The following NSF variants were observed in gnomAD, a reference collection of about 807,000 sequenced individuals.
NSF encodes vesicle-fusing ATPase.
Under a neutral mutation model 50.3 loss-of-function variants are expected in NSF, and 14 were observed. That is an observed-to-expected ratio of 0.28 (90% CI 0.18 to 0.44). The LOEUF (loss-of-function observed/expected upper bound fraction) is 0.44, where lower values mean the gene tolerates loss of function less well. Among genes scored for constraint, NSF ranks in the 20% least tolerant of loss-of-function variants. The pLI, the probability that NSF is intolerant of heterozygous loss-of-function variation, is 1.00. For synonymous variants in NSF, 109 were observed against 175.7 expected, an observed-to-expected ratio of 0.62 and a Z score of 3.00; for missense variants, 218 against 504.3, an observed-to-expected ratio of 0.43 and a Z score of 5.44.
chr17:46,735,311 A>G (rs1052097915), intron 17 of NSF, among the ~76,000 whole-genome samples: 2 of 152,168 alleles, frequency 1.3e-5, no homozygotes, highest in African/African-American at 4.8e-5. Context: ...GCTAGAATGT[A>G]TTCTTCCAGA....
chr17:46,736,095 C>T (rs968022068), intron 17 of NSF, among the ~76,000 whole-genome samples: 1 of 152,154 alleles, frequency 6.6e-6, no homozygotes, highest in East Asian at 1.9e-4. Flanking sequence ...ACCCAACTTC[C>T]CTCATTTGCA....
chr17:46,719,255 G>T lies in NSF; in HGVS notation c.1761+5269G>T, dbSNP rs1006907326. Among the ~76,000 whole-genome samples, 1 of 152,188 alleles carries T rather than the reference G, an allele frequency of 6.6e-6. No homozygotes were observed. The highest frequency in any genetic ancestry group is 2.4e-5 in the African/African-American group (1 of 41,446). On this transcript the variant is annotated intron_variant, in intron 15 of 20. Coordinates refer to ENST00000398238, the MANE Select transcript of NSF (RefSeq NM_006178.4). This position sits in a 1 kb window ranked among gnomAD's most constrained non-coding sequence, Gnocchi z 4.3. ...ATGTAACACATTAATTTTTGTTAAA[G>T]ATGTGTGGTCTGAATTAGTTAATTC...
In NSF at chr17:46,610,029, C is replaced by CTTTCTT. The variant is rs528412035; in HGVS notation, c.13-14214_13-14213insTTCTTT. ...TCTCTCTTTCTTTCTTTCTTTCTTTCTCTCTCTCTCTCTCTTTCTTTCTTT... is the reference window on the plus strand; with the variant it reads ...TCTCTCTTTCTTTCTTTCTTTCTTTCTTTCTTTCTCTCTCTCTCTCTTTCTTTCTTT... On this transcript the variant is annotated intron_variant, in intron 1 of 20. Coordinates refer to ENST00000398238, the MANE Select transcript of NSF (RefSeq NM_006178.4). 9.7e-4 allele frequency among the ~76,000 whole-genome samples: 86 copies of CTTTCTT among 88,958 alleles called. 2 individuals carry two copies. The highest frequency in any genetic ancestry group is 6.4e-3 in the Admixed American group (55 of 8,638). 58.4% of individuals were successfully genotyped at this position (88,958 alleles called of 152,430 possible).
intron 15 of NSF, among the ~76,000 whole-genome samples, chr17:46,716,561 C>T (rs1206454025): frequency 6.6e-6 from 1 of 151,994 alleles, no homozygotes; most frequent in Non-Finnish European, 1.5e-5. Context: ...CCGGCCTGCA[C>T]CTCCATTTTT....
intron 1 of NSF, among the ~76,000 whole-genome samples, chr17:46,602,764 T>C (rs1173113811): frequency 2.0e-5 from 3 of 147,590 alleles, no homozygotes; most frequent in African/African-American, 7.7e-5. Flanking sequence ...TGACTATTTT[T>C]CTCCTAGAGA....
At chr17:46,732,047 T>C (rs57236432) in intron 17 of NSF, among the ~76,000 whole-genome samples, 219 of 152,308 alleles carry the variant, frequency 1.4e-3, no homozygotes, top group African/African-American at 4.9e-3. Flanking sequence ...TTTCAGATGT[T>C]TTTAATTAAA....
At chr17:46,610,106 TC>T in intron 1 of NSF, among the ~76,000 whole-genome samples, 2 of 118,758 alleles carry the variant, frequency 1.7e-5, no homozygotes, top group East Asian at 4.0e-4. Flanking sequence ...TCTTTCTCTC[TC>T]TCTCTCTCTC....
In NSF at chr17:46,721,526, A is replaced by G. The variant is rs901433196; in HGVS notation, c.1762-5023A>G. The G allele has an allele frequency of 3.4e-5, 37 of 1,081,886 alleles. No individual in the cohort carries two copies. The South Asian group carries it at 3.9e-4, about 11-fold the overall frequency. The allele number at this position is 1,081,886 out of a possible 1,614,324, so 67.0% of individuals were successfully genotyped here. A position where few individuals can be genotyped will look rare whatever the true frequency, so the allele number is the denominator to read the frequency against. Reference sequence around the variant, plus strand: ...ACTTCATAATAGAACTGGGCTGACTATACATTCTTTTTCTGTGTGTGTGTG... The same window carrying G: ...ACTTCATAATAGAACTGGGCTGACTGTACATTCTTTTTCTGTGTGTGTGTG... On this transcript the variant is annotated intron_variant, in intron 15 of 20. Transcript: ENST00000398238.
chr17:46,676,611 G>A (rs2146206632), intron 9 of NSF, among the ~76,000 whole-genome samples: 1 of 135,824 alleles, frequency 7.4e-6, no homozygotes, highest in East Asian at 2.3e-4. Flanking sequence ...TATGTGGCTT[G>A]AAACCCGAAG....
At chr17:46,709,588 G>A (rs1037781878) in intron 13 of NSF, among the ~76,000 whole-genome samples, 4 of 151,592 alleles carry the variant, frequency 2.6e-5, no homozygotes, top group Non-Finnish European at 4.4e-5. Context: ...TCCGCCTCCC[G>A]GGTTCAAGCA....
At chr17:46,752,223 T>G (rs937815842) in intron 19 of NSF, among the ~76,000 whole-genome samples, 11 of 152,236 alleles carry the variant, frequency 7.2e-5, no homozygotes, top group African/African-American at 2.7e-4. Flanking sequence ...CAAAGACAGA[T>G]GAAACTTCTT....
chr17:46,603,630 ATT>A (rs1204276841), intron 1 of NSF, among the ~76,000 whole-genome samples: 1 of 82,086 alleles, frequency 1.2e-5, no homozygotes, highest in Non-Finnish European at 2.6e-5. Flanking sequence ...AAGCATGGCT[ATT>A]TTGCTGCAGT....
At chr17:46,721,673 T>C (rs1465015690) in intron 15 of NSF, 14 of 1,604,240 alleles carry the variant, frequency 8.7e-6, no homozygotes, top group Non-Finnish European at 1.2e-5. Flanking sequence ...GTGTTCCACA[T>C]TGTTCTGCTG....
intron 15 of NSF, among the ~76,000 whole-genome samples, chr17:46,716,499 C>T (rs943411886): frequency 3.9e-5 from 6 of 152,062 alleles, no homozygotes; most frequent in African/African-American, 1.4e-4. Flanking sequence ...CCTCATGATC[C>T]GCACGCCTCA....
At chr17:46,598,501 A>G (rs548577793) in intron 1 of NSF, among the ~76,000 whole-genome samples, 1,584 of 152,126 alleles carry the variant, frequency 0.01, 12 homozygotes, top group Non-Finnish European at 0.012. Context: ...CTCTTTCTTC[A>G]TAAGTCCTTA....
chr17:46,729,220 T>G (rs190331330), intron 17 of NSF, among the ~76,000 whole-genome samples: 2 of 152,134 alleles, frequency 1.3e-5, no homozygotes, highest in African/African-American at 4.8e-5. Flanking sequence ...ATATTACATA[T>G]CCCTACTACC....
chr17:46,610,127 T>C (rs1313646230), intron 1 of NSF, among the ~76,000 whole-genome samples: 5 of 83,198 alleles, frequency 6.0e-5, no homozygotes, highest in African/African-American at 1.8e-4. Context: ...CTCTCTCTCT[T>C]CCTTTCTTCC....
At position 46,756,607 on chromosome 17, in the gene NSF, TTAAAG is replaced by T. The variant is rs1383999529; in HGVS notation, c.*788_*792del. The T allele has an allele frequency of 1.3e-5, 2 of 152,768 alleles. No homozygotes were observed. Among genetic ancestry groups the T allele is most frequent in the African/African-American group, 4.8e-5 (2 of 41,584 alleles). The allele number at this position is 152,768 out of a possible 1,614,324, so 9.5% of individuals were successfully genotyped here. On this transcript the variant is annotated 3_prime_UTR_variant, in exon 21 of 21. Coordinates refer to ENST00000398238, the MANE Select transcript of NSF (RefSeq NM_006178.4). ...TACACCCCCAAACAGAAAGGAGTTA[TTAAAG>T]TAATTTACAAACCTCTCAGCACTAA... is the stretch of plus-strand genomic sequence containing the variant.
intron 14 of NSF, among the ~76,000 whole-genome samples, chr17:46,712,771 A>C (rs2058732332): frequency 6.6e-6 from 1 of 152,208 alleles, no homozygotes; most frequent in Non-Finnish European, 1.5e-5. Flanking sequence ...TAAGGACTAA[A>C]CAGAGCAGAA....
Sources: gnomAD v4.1 joint callset for allele counts (sites outside exome capture counted in the v4.1 genomes callset) on GRCh38, gnomAD v4.1.1 for gene constraint, Gnocchi (gnomAD v3.1) non-coding constraint, MANE v1.5 for transcripts, NCBI Gene and HGNC (gene_info 2026-07-23, HGNC 2026-07-21) for gene names.